Variants in RAB3IP observed in about 807,000 individuals in gnomAD.
The protein encoded by RAB3IP is RAB3A interacting protein, also known as rab-3A-interacting protein.
RAB3IP carries 36 observed loss-of-function variants against 59.1 expected under a neutral mutation model. The ratio of observed to expected loss-of-function variants is 0.61; its 90% CI spans 0.47 to 0.80. The LOEUF (loss-of-function observed/expected upper bound fraction) is 0.80. RAB3IP is among the 30% of genes least tolerant of loss of function. The pLI is 0.00. For missense variants in RAB3IP, 511 were observed against 536.0 expected (o/e 0.95, Z 0.46); for synonymous variants, 207 against 191.2 (o/e 1.08, Z -0.68).
intron 3 of RAB3IP, among the ~76,000 whole-genome samples, chr12:69,783,502 C>T (rs982398433): frequency 7.9e-5 from 12 of 152,118 alleles, no homozygotes; most frequent in East Asian, 1.9e-4. Flanking sequence ...GGTGAGACTC[C>T]GTCCTTCTGG....
chr12:69,770,090 C>G (rs1222669245), intron 3 of RAB3IP, among the ~76,000 whole-genome samples: 1 of 152,076 alleles, frequency 6.6e-6, no homozygotes, highest in Non-Finnish European at 1.5e-5. Flanking sequence ...TTAAGAGAGT[C>G]TTCCTATAAG....
At chr12:69,782,824 G>GT (rs1174873072) in intron 3 of RAB3IP, among the ~76,000 whole-genome samples, 1 of 148,022 alleles carries the variant, frequency 6.8e-6, no homozygotes, top group Non-Finnish European at 1.5e-5. Context: ...GTTTTTTTTT[G>GT]TTTTTTTAAT....
Position 69,756,456 on chromosome 12 carries a change from A to G in RAB3IP, c.303A>G (p.Gly101=), listed in dbSNP as rs1183286350. 1 of 1,614,072 alleles carries G rather than the reference A, an allele frequency of 6.2e-7. No individual in the cohort carries two copies. Reference sequence around the variant, plus strand: ...GCTCTACCTCTGGAGTCACAGCTGGATTAACTAAATTAACTACAAGAAAGG... The same window carrying G: ...GCTCTACCTCTGGAGTCACAGCTGGGTTAACTAAATTAACTACAAGAAAGG... ...APCSTSGVTA[G]LTKLTTRKDN... The change falls in exon 3 of 11, where the codon GGA becomes GGG. Residue 101 remains glycine, a synonymous_variant. Coordinates refer to ENST00000247833, the MANE Select transcript of RAB3IP (RefSeq NM_022456.5).
intron 10 of RAB3IP, among the ~76,000 whole-genome samples, chr12:69,814,666 GAGT>G (rs1289237686): frequency 2.0e-5 from 3 of 151,848 alleles, no homozygotes; most frequent in African/African-American, 7.3e-5. Context: ...AGGGAATGAG[GAGT>G]GGTGGTGGTG....
Position 69,771,959 on chromosome 12 carries a change from A to G in RAB3IP, c.511-12761A>G, listed in dbSNP as rs571310507. ...TATGTCTTCTGAGAAATGTTTATTC[A>G]GGTCTTTTGCCCATTTTAAAATTAT... On this transcript the variant is annotated intron_variant, in intron 3 of 10. Coordinates refer to ENST00000247833, the MANE Select transcript of RAB3IP (RefSeq NM_022456.5). 1.5e-3 allele frequency among the ~76,000 whole-genome samples: 227 copies of G among 152,228 alleles called. 2 individuals are homozygous for G. The highest frequency in any genetic ancestry group is 5.1e-3 in the African/African-American group (212 of 41,536).
chr12:69,770,047 T>G (rs1592510921), intron 3 of RAB3IP, among the ~76,000 whole-genome samples: 1 of 139,546 alleles, frequency 7.2e-6, no homozygotes, highest in African/African-American at 2.6e-5. Context: ...AAAAGCACAG[T>G]TACATATGAT....
Position 69,823,130 on chromosome 12 carries a change from T to C in RAB3IP, c.*7684T>C, listed in dbSNP as rs1881941322. On this transcript the variant is annotated 3_prime_UTR_variant, in exon 11 of 11. Transcript: ENST00000247833. Reference sequence around the variant, plus strand: ...ACACATTATATGTATGGAAATATCATTGTGTACCCCATGAATATGGGCAAT... The same window carrying C: ...ACACATTATATGTATGGAAATATCACTGTGTACCCCATGAATATGGGCAAT... The C allele has an allele frequency of 6.6e-6, 1 of 152,152 alleles. No individual in the cohort carries two copies. Among genetic ancestry groups the C allele is most frequent in the South Asian group, 2.1e-4 (1 of 4,828 alleles). The allele number at this position is 152,152 out of a possible 1,614,324, so 9.4% of individuals were successfully genotyped here.
At chr12:69,739,745 C>T in intron 1 of RAB3IP, 1 of 1,212,498 alleles carries the variant, frequency 8.2e-7, no homozygotes, top group Non-Finnish European at 1.2e-6. Context: ...GCCCTCCCAG[C>T]GTTGACAACT....
At chr12:69,810,295 T>G (rs1300328926) in intron 8 of RAB3IP, among the ~76,000 whole-genome samples, 2 of 152,178 alleles carry the variant, frequency 1.3e-5, no homozygotes, top group Non-Finnish European at 2.9e-5. Context: ...GTGTGAGGTG[T>G]CAGTCCGCCC....
At chr12:69,742,007 A>G (rs1283159083) in intron 1 of RAB3IP, among the ~76,000 whole-genome samples, 2 of 152,238 alleles carry the variant, frequency 1.3e-5, no homozygotes, top group Non-Finnish European at 2.9e-5. Context: ...GGGTTAAAGG[A>G]AACTGTTCTT....
At chr12:69,783,909 T>C (rs1252205349) in intron 3 of RAB3IP, among the ~76,000 whole-genome samples, 1 of 152,206 alleles carries the variant, frequency 6.6e-6, no homozygotes, top group East Asian at 1.9e-4. Flanking sequence ...TGTTGGTATA[T>C]CTGGTTTTTA....
chr12:69,818,629 A>G lies in RAB3IP; in HGVS notation c.*3183A>G, dbSNP rs1881389117. 6.6e-6 allele frequency: 1 copy of G among 152,100 alleles called. No individual in the cohort carries two copies. Among genetic ancestry groups the G allele is most frequent in the Admixed American group, 6.6e-5 (1 of 15,262 alleles). 9.4% of individuals were successfully genotyped at this position (152,100 alleles called of 1,614,324 possible). A position where few individuals can be genotyped will look rare whatever the true frequency, so the allele number is the denominator to read the frequency against. ...ATGGGTGATTATTACATGGCAGCAAAATGAATGAATACCAGCTACTTGCAG... is the reference window on the plus strand; with the variant it reads ...ATGGGTGATTATTACATGGCAGCAAGATGAATGAATACCAGCTACTTGCAG... On this transcript the variant is annotated 3_prime_UTR_variant, in exon 11 of 11. Coordinates refer to ENST00000247833, the MANE Select transcript of RAB3IP (RefSeq NM_022456.5).
chr12:69,810,949 A>T (rs1312654119), intron 8 of RAB3IP, among the ~76,000 whole-genome samples: 1 of 152,212 alleles, frequency 6.6e-6, no homozygotes, highest in Non-Finnish European at 1.5e-5. Flanking sequence ...TTTGCATTGA[A>T]TCCTGGCTTA....
intron 4 of RAB3IP, among the ~76,000 whole-genome samples, chr12:69,790,997 CAT>C (rs1480331504): frequency 4.6e-5 from 7 of 152,144 alleles, no homozygotes; most frequent in Non-Finnish European, 8.8e-5. Flanking sequence ...TAAAAACAGA[CAT>C]GTGGACCAAT....
intron 8 of RAB3IP, among the ~76,000 whole-genome samples, chr12:69,809,806 T>G (rs1375334803): frequency 6.6e-6 from 1 of 152,168 alleles, no homozygotes; most frequent in African/African-American, 2.4e-5. Flanking sequence ...TTCGTCTAAT[T>G]TTTTTCAAGG....
rs1881841237 is a variant in RAB3IP at position 69,822,391 on chromosome 12, T to C, written c.*6945T>C. 2 of 152,154 alleles carry C rather than the reference T, an allele frequency of 1.3e-5. No individual in the cohort carries two copies. The highest frequency in any genetic ancestry group is 2.9e-5 in the Non-Finnish European group (2 of 68,036). The allele number at this position is 152,154 out of a possible 1,614,324, so 9.4% of individuals were successfully genotyped here. A position where few individuals can be genotyped will look rare whatever the true frequency, so the allele number is the denominator to read the frequency against. On this transcript the variant is annotated 3_prime_UTR_variant, in exon 11 of 11. Transcript: ENST00000247833. ...AGAGATCTCTCTGAGTTAAATGGGATTGTATCATGCCCCACACCCAAGCAG... is the reference window on the plus strand; with the variant it reads ...AGAGATCTCTCTGAGTTAAATGGGACTGTATCATGCCCCACACCCAAGCAG...
At chr12:69,770,420 ATGC>A (rs1416998624) in intron 3 of RAB3IP, among the ~76,000 whole-genome samples, 6 of 152,222 alleles carry the variant, frequency 3.9e-5, no homozygotes. Context: ...TATAATATAA[ATGC>A]TGTGTAAATA....
At position 69,822,331 on chromosome 12, in the gene RAB3IP, C is replaced by T. The variant is rs751513651; in HGVS notation, c.*6885C>T. ...GCAGTAGCTTCTTAAACTGCTTAAA[C>T]TTTGGATATTGCCCCAGCCAACACA... On this transcript the variant is annotated 3_prime_UTR_variant, in exon 11 of 11. Coordinates refer to ENST00000247833, the MANE Select transcript of RAB3IP (RefSeq NM_022456.5). 3 of 152,104 alleles carry T rather than the reference C, an allele frequency of 2.0e-5. No individual in the cohort carries two copies. The highest frequency in any genetic ancestry group is 1.9e-4 in the East Asian group (1 of 5,194). The allele number at this position is 152,104 out of a possible 1,614,324, so 9.4% of individuals were successfully genotyped here. A position where few individuals can be genotyped will look rare whatever the true frequency, so the allele number is the denominator to read the frequency against.
At chr12:69,795,949 CACTT>C (rs1301092908) in intron 6 of RAB3IP, 1 of 152,694 alleles carries the variant, frequency 6.5e-6, no homozygotes, top group African/African-American at 2.4e-5. Flanking sequence ...GTTATTCAGA[CACTT>C]ACAACTATGT....
Sources: gnomAD v4.1 joint callset for allele counts (sites outside exome capture counted in the v4.1 genomes callset) on GRCh38, gnomAD v4.1.1 for gene constraint, MANE v1.5 for transcripts, NCBI Gene and HGNC (gene_info 2026-07-23, HGNC 2026-07-21) for gene names.